IFRD1: variants seen among roughly 807,000 people sequenced by gnomAD.
IFRD1 encodes interferon related developmental regulator 1, also known as interferon-related developmental regulator 1.
IFRD1 carries 35 observed loss-of-function variants against 52.9 expected under a neutral mutation model. That is an observed-to-expected ratio of 0.66 (90% CI 0.51 to 0.88). The LOEUF (loss-of-function observed/expected upper bound fraction) is 0.88, where lower values mean the gene tolerates loss of function less well. IFRD1 is among the 40% of genes least tolerant of loss of function. The pLI, the probability that IFRD1 is intolerant of heterozygous loss-of-function variation, is 0.00. For missense variants in IFRD1, 517 were observed against 550.8 expected, an observed-to-expected ratio of 0.94 and a Z score of 0.61; for synonymous variants, 184 against 188.4, an observed-to-expected ratio of 0.98 and a Z score of 0.19.
chr7:112,461,873 CTTGCTTTGGTGT>C lies in IFRD1; in HGVS notation c.581_592del (p.Phe194_Cys197del). Reference sequence around the variant, plus strand: ...ATATATTTTTTTTTTTAGTGTGCAACTTGCTTTGGTGTTTGCTGTTTTATTGCCACAGATGAC... The same window carrying C: ...ATATATTTTTTTTTTTAGTGTGCAACTTGCTGTTTTATTGCCACAGATGAC... On this transcript the variant is annotated inframe_deletion, in exon 6 of 12. Transcript: ENST00000403825. 1 of 1,580,274 alleles carries C rather than the reference CTTGCTTTGGTGT, an allele frequency of 6.3e-7. No individual in the cohort carries two copies. Among genetic ancestry groups the C allele is most frequent in the Non-Finnish European group, 8.7e-7 (1 of 1,152,788 alleles).
chr7:112,438,651 G>A (rs1794774493), intron 1 of IFRD1, among the ~76,000 whole-genome samples: 2 of 151,348 alleles, frequency 1.3e-5, no homozygotes, highest in Non-Finnish European at 2.9e-5. Flanking sequence ...GAAATAACTT[G>A]AGACTAGAAG....
At chr7:112,437,097 T>C (rs1359567003) in intron 1 of IFRD1, 1 of 154,484 alleles carries the variant, frequency 6.5e-6, no homozygotes, top group Non-Finnish European at 1.5e-5. Context: ...ACAACAGGTG[T>C]GTGACCCAGC....
In IFRD1 at chr7:112,472,294, A is replaced by C; in HGVS notation, c.1117A>C (p.Thr373Pro). ...TATTGATTGCTGGGTAAAAAAACAC[A>C]CCTATGACACCTTTAAGGAGGTTCT... ...MYIDCWVKKH[T>P]YDTFKEVLGS... Residue 373 changes from threonine (T) to proline (P), a missense_variant, in exon 10 of 12, where the codon ACC becomes CCC. Transcript: ENST00000403825. 1 of 1,614,006 alleles carries C rather than the reference A, an allele frequency of 6.2e-7. No homozygotes were observed. Among genetic ancestry groups the C allele is most frequent in the South Asian group, 1.1e-5 (1 of 91,076 alleles).
In IFRD1 at chr7:112,475,466, A is replaced by G; in HGVS notation, c.1303A>G (p.Lys435Glu). 6.2e-7 allele frequency: 1 copy of G among 1,612,972 alleles called. No individual in the cohort carries two copies. Among genetic ancestry groups the G allele is most frequent in the Non-Finnish European group, 8.5e-7 (1 of 1,179,246 alleles). The part of the protein sequence containing the change: ...YNSAAFKART[K>E]ARSKCRDKRA... ...CTCTGCAGCCTTCAAAGCTCGAACC[A>G]AAGCTAGAAGCAAATGTCGAGATAA... The change falls in exon 12 of 12, where the codon AAA (lysine) becomes GAA (glutamate). Residue 435 changes from lysine to glutamate, a missense_variant. Lys to Glu is a moderately conservative substitution (Grantham distance 56, BLOSUM62 1). Transcript: ENST00000403825.
intron 9 of IFRD1, among the ~76,000 whole-genome samples, chr7:112,471,407 T>C (rs990230259): frequency 6.6e-6 from 1 of 152,148 alleles, no homozygotes; most frequent in Non-Finnish European, 1.5e-5. Context: ...GGGGCTGAGG[T>C]AGATGTCTGG....
At chr7:112,444,690 A>T (rs909020648) in intron 1 of IFRD1, among the ~76,000 whole-genome samples, 3 of 152,210 alleles carry the variant, frequency 2.0e-5, no homozygotes, top group Non-Finnish European at 4.4e-5. Context: ...TCTAAAAAAA[A>T]GGGGAACAAG....
intron 1 of IFRD1, among the ~76,000 whole-genome samples, chr7:112,431,538 A>C (rs1248244143): frequency 6.6e-6 from 1 of 151,798 alleles, no homozygotes; most frequent in African/African-American, 2.4e-5. Flanking sequence ...GCCGCAGTTC[A>C]CCCTCCCACC....
At chr7:112,458,133 A>G (rs1795340288) in intron 4 of IFRD1, 1 of 152,210 alleles carries the variant, frequency 6.6e-6, no homozygotes, top group South Asian at 2.1e-4. Flanking sequence ...GATGACCTTT[A>G]AAAATTCCAT....
At chr7:112,460,241 G>GTTT (rs35314166) in intron 5 of IFRD1, among the ~76,000 whole-genome samples, 1,186 of 92,964 alleles carry the variant, frequency 0.013, 67 homozygotes, top group African/African-American at 0.035. Flanking sequence ...CAGTCCTAGG[G>GTTT]TTTTTTTTTT....
At chr7:112,439,301 T>A (rs1794805984) in intron 1 of IFRD1, among the ~76,000 whole-genome samples, 1 of 152,168 alleles carries the variant, frequency 6.6e-6, no homozygotes, top group South Asian at 2.1e-4. Context: ...ATATGGGACT[T>A]TTAAGGGAAG....
chr7:112,456,103 A>G lies in IFRD1; in HGVS notation c.284+17A>G, dbSNP rs764094401. Reference sequence around the variant, plus strand: ...GGATAAGAGGTAGGCAATACTGGAAACTCCATTCTGTGTGAGTCTATGCTT... The same window carrying G: ...GGATAAGAGGTAGGCAATACTGGAAGCTCCATTCTGTGTGAGTCTATGCTT... On this transcript the variant is annotated intron_variant, in intron 3 of 11. Transcript: ENST00000403825. The G allele has an allele frequency of 5.7e-6, 8 of 1,400,208 alleles. No homozygotes were observed. Among genetic ancestry groups the G allele is most frequent in the Non-Finnish European group, 8.1e-6 (8 of 985,062 alleles). 86.7% of individuals were successfully genotyped at this position (1,400,208 alleles called of 1,614,324 possible).
At chr7:112,473,297 T>C (rs1795811373) in intron 11 of IFRD1, among the ~76,000 whole-genome samples, 2 of 152,216 alleles carry the variant, frequency 1.3e-5, no homozygotes, top group African/African-American at 4.8e-5. Flanking sequence ...AGTTTTTATG[T>C]TTAAGAATAA....
intron 1 of IFRD1, among the ~76,000 whole-genome samples, chr7:112,429,462 T>TC (rs1794501094): frequency 6.6e-6 from 1 of 152,222 alleles, no homozygotes; most frequent in Admixed American, 6.5e-5. Context: ...CAGCATGCTG[T>TC]CATCTGCAGT....
upstream of IFRD1, chr7:112,450,455 G>A (rs568490643): frequency 4.1e-4 from 233 of 572,918 alleles, 1 homozygote; most frequent in Non-Finnish European, 6.6e-4. Flanking sequence ...GGCCTCCCCT[G>A]CCCCGCCTTA....
intron 9 of IFRD1, among the ~76,000 whole-genome samples, chr7:112,471,463 C>T (rs1461176045): frequency 6.6e-6 from 1 of 152,114 alleles, no homozygotes; most frequent in East Asian, 1.9e-4. Context: ...TCTCCTTTCT[C>T]CTCTCCCTGT....
chr7:112,474,964 A>T (rs1172282372), intron 11 of IFRD1, among the ~76,000 whole-genome samples: 14 of 150,714 alleles, frequency 9.3e-5, no homozygotes, highest in Non-Finnish European at 1.6e-4. Context: ...CTCTTTATTT[A>T]TTTATTTTTT....
At chr7:112,473,489 A>G (rs1222150286) in intron 11 of IFRD1, among the ~76,000 whole-genome samples, 1 of 151,968 alleles carries the variant, frequency 6.6e-6, no homozygotes, top group Non-Finnish European at 1.5e-5. Context: ...CAGTGGTGCA[A>G]TCTCGGCTCA....
chr7:112,463,966 T>C (rs1795542299), intron 8 of IFRD1, among the ~76,000 whole-genome samples: 1 of 151,280 alleles, frequency 6.6e-6, no homozygotes, highest in South Asian at 2.1e-4. Context: ...ACATATTTCA[T>C]TTGACTTGAA....
chr7:112,434,925 A>T (rs900373658), intron 1 of IFRD1, among the ~76,000 whole-genome samples: 1 of 152,192 alleles, frequency 6.6e-6, no homozygotes, highest in Non-Finnish European at 1.5e-5. Context: ...CTCATACATG[A>T]TTCTGAATTA....
Sources: gnomAD v4.1 joint callset for allele counts (sites outside exome capture counted in the v4.1 genomes callset) on GRCh38, gnomAD v4.1.1 for gene constraint, MANE v1.5 for transcripts, NCBI Gene and HGNC (gene_info 2026-07-23, HGNC 2026-07-21) for gene names.